ABCG2: variants seen among roughly 807,000 people sequenced by gnomAD.
ABCG2 encodes broad substrate specificity ATP-binding cassette transporter ABCG2.
A neutral mutation model predicts 73.5 loss-of-function variants in ABCG2; 80 were observed. The ratio of observed to expected loss-of-function variants is 1.09; its 90% CI spans 0.91 to 1.31. The LOEUF is 1.31. Among genes scored for constraint, ABCG2 ranks in the 50% most tolerant of loss-of-function variants. The probability of loss-of-function intolerance (pLI) is 0.00; values close to 1 mark genes in which losing one functional copy is unlikely to be tolerated. For missense variants in ABCG2, 796 were observed against 786.2 expected (o/e 1.01, Z -0.15); for synonymous variants, 269 against 282.4 (o/e 0.95, Z 0.48).
chr4:88,120,645 C>A (rs1723905849), intron 6 of ABCG2, among the ~76,000 whole-genome samples: 1 of 152,170 alleles, frequency 6.6e-6, no homozygotes, highest in Non-Finnish European at 1.5e-5. Flanking sequence ...CAATTTCTCC[C>A]ATTTGGAACA....
chr4:88,219,738 C>G (rs113740839), intron 1 of ABCG2, among the ~76,000 whole-genome samples: 327 of 144,178 alleles, frequency 2.3e-3, no homozygotes, highest in African/African-American at 7.7e-3. Context: ...CACAGTGCCA[C>G]GCCTGGCTAT....
chr4:88,186,419 T>C (rs979570158), intron 1 of ABCG2, among the ~76,000 whole-genome samples: 5 of 152,154 alleles, frequency 3.3e-5, no homozygotes, highest in Non-Finnish European at 5.9e-5. Flanking sequence ...GGAGAATCTC[T>C]TGAGTCTGTC....
intron 1 of ABCG2, among the ~76,000 whole-genome samples, chr4:88,153,684 T>A (rs115135879): frequency 0.048 from 7,253 of 152,100 alleles, 225 homozygotes; most frequent in Middle Eastern, 0.068. Flanking sequence ...GAAGGGAAGA[T>A]ATGACCGTCG....
At chr4:88,167,243 C>T (rs1226138559) in intron 1 of ABCG2, among the ~76,000 whole-genome samples, 1 of 151,958 alleles carries the variant, frequency 6.6e-6, no homozygotes, top group Non-Finnish European at 1.5e-5. Flanking sequence ...TTCCTGTGTC[C>T]TTGCTGAATG....
intron 1 of ABCG2, among the ~76,000 whole-genome samples, chr4:88,229,735 G>A (rs545337820): frequency 4.0e-5 from 6 of 151,604 alleles, no homozygotes; most frequent in African/African-American, 7.3e-5. Flanking sequence ...ATATTTCCTC[G>A]CCATTCTCTT....
intron 1 of ABCG2, among the ~76,000 whole-genome samples, chr4:88,175,511 C>T (rs1727926213): frequency 6.6e-6 from 1 of 150,394 alleles, no homozygotes; most frequent in African/African-American, 2.5e-5. Flanking sequence ...TCAAAACAGG[C>T]AGAGTAACTG....
chr4:88,165,453 C>T (rs142787732), intron 1 of ABCG2, among the ~76,000 whole-genome samples: 2 of 152,336 alleles, frequency 1.3e-5, no homozygotes, highest in East Asian at 1.9e-4. Context: ...AGCAGCATAG[C>T]AGCCCTGTGA....
chr4:88,195,727 C>T (rs951654223), intron 1 of ABCG2, among the ~76,000 whole-genome samples: 6 of 152,214 alleles, frequency 3.9e-5, no homozygotes, highest in African/African-American at 1.4e-4. Flanking sequence ...CACTGGCATA[C>T]TTCCGGGGTC....
chr4:88,222,834 C>T (rs1469071945), intron 1 of ABCG2, among the ~76,000 whole-genome samples: 1 of 152,196 alleles, frequency 6.6e-6, no homozygotes, highest in Non-Finnish European at 1.5e-5. Context: ...TGCAGACACT[C>T]AACACCAGCC....
At position 88,139,930 on chromosome 4, in the gene ABCG2, C is replaced by T. The variant is rs1455789965; in HGVS notation, c.66G>A (p.Ala22=). 3 of 1,614,078 alleles carry T rather than the reference C, an allele frequency of 1.9e-6. No homozygotes were observed. Among genetic ancestry groups the T allele is most frequent in the Non-Finnish European group, 2.5e-6 (3 of 1,180,010 alleles). ...ATGCCTTCAGGTCATTGGAAGCTGTCGCGGGGAAGCCATTGGTGTTTCCTT... is the reference window on the plus strand; with the variant it reads ...ATGCCTTCAGGTCATTGGAAGCTGTTGCGGGGAAGCCATTGGTGTTTCCTT... ...VSQGNTNGFP[A]TASNDLKAFT... The change falls in exon 2 of 16, where the codon GCG becomes GCA. Residue 22 remains alanine, a synonymous_variant. Coordinates refer to ENST00000237612, the MANE Select transcript of ABCG2 (RefSeq NM_004827.3).
chr4:88,155,043 A>C (rs916240910), intron 1 of ABCG2, among the ~76,000 whole-genome samples: 2 of 152,184 alleles, frequency 1.3e-5, no homozygotes, highest in Admixed American at 6.5e-5. Flanking sequence ...GTGTGTAATG[A>C]AAAGGGTTGG....
At chr4:88,139,676 T>A in intron 2 of ABCG2, 117 bp downstream of exon 2, 1 of 789,782 alleles carries the variant, frequency 1.3e-6, no homozygotes, top group South Asian at 1.9e-5. Flanking sequence ...TGTCTGTATA[T>A]CTGTGCAAAG....
At chr4:88,195,024 G>A (rs536284090) in intron 1 of ABCG2, among the ~76,000 whole-genome samples, 1 of 152,290 alleles carries the variant, frequency 6.6e-6, no homozygotes, top group Non-Finnish European at 1.5e-5. Context: ...GTCATCATAT[G>A]AATAAAATGA....
At chr4:88,220,182 A>G (rs1367806281) in intron 1 of ABCG2, among the ~76,000 whole-genome samples, 1 of 152,212 alleles carries the variant, frequency 6.6e-6, no homozygotes, top group African/African-American at 2.4e-5. Flanking sequence ...ATAATCCTCC[A>G]TTCTCTGTGT....
intron 1 of ABCG2, among the ~76,000 whole-genome samples, chr4:88,155,210 C>T (rs991873313): frequency 7.9e-5 from 12 of 152,048 alleles, no homozygotes; most frequent in African/African-American, 2.7e-4. Flanking sequence ...AACCAGGTAT[C>T]CAAAGTCGAA....
intron 1 of ABCG2, among the ~76,000 whole-genome samples, chr4:88,191,768 G>T (rs368417912): frequency 2.6e-5 from 4 of 152,262 alleles, no homozygotes; most frequent in South Asian, 2.1e-4. Context: ...ATAAAAAATC[G>T]TTCAGCAATC....
chr4:88,158,714 C>G, upstream of ABCG2: 1 of 445,100 alleles, frequency 2.2e-6, no homozygotes, highest in Non-Finnish European at 4.5e-6. Flanking sequence ...CAACCCCTTC[C>G]CCCAACCACA....
intron 1 of ABCG2, among the ~76,000 whole-genome samples, chr4:88,204,138 C>T (rs1469894844): frequency 6.6e-6 from 1 of 151,928 alleles, no homozygotes; most frequent in Non-Finnish European, 1.5e-5. Context: ...AGAATTCAAG[C>T]CGGCCGGGCT....
intron 1 of ABCG2, among the ~76,000 whole-genome samples, chr4:88,177,453 A>G (rs758657310): frequency 2.0e-5 from 3 of 152,220 alleles, no homozygotes; most frequent in Non-Finnish European, 4.4e-5. Flanking sequence ...TAATTGAAAT[A>G]TTATAAACAT....
Sources: allele counts gnomAD v4.1 joint callset (sites outside exome capture counted in the v4.1 genomes callset), GRCh38; gene constraint gnomAD v4.1.1; transcripts MANE v1.5; gene names NCBI Gene and HGNC (gene_info 2026-07-23, HGNC 2026-07-21).